TCP11L2: variants seen among roughly 807,000 people sequenced by gnomAD.
TCP11L2 encodes t-complex 11 like 2.
In TCP11L2, 39 loss-of-function variants were observed where a neutral mutation model predicts 50.7. That is an observed-to-expected ratio of 0.77 (90% CI 0.60 to 1.01). TCP11L2 has a LOEUF of 1.01. Among genes scored for constraint, TCP11L2 ranks in the 50% least tolerant of loss-of-function variants. TCP11L2 has a pLI of 0.00. For missense variants in TCP11L2, 612 were observed against 614.7 expected, an observed-to-expected ratio of 1.00 and a Z score of 0.05; for synonymous variants, 192 against 219.3, an observed-to-expected ratio of 0.88 and a Z score of 1.10.
intron 1 of TCP11L2, among the ~76,000 whole-genome samples, chr12:106,306,332 C>T (rs933755154): frequency 2.6e-5 from 4 of 152,222 alleles, no homozygotes; most frequent in Non-Finnish European, 4.4e-5. Context: ...CACCTATTAA[C>T]ATTTTGCTCT....
intron 6 of TCP11L2, chr12:106,329,798 T>C: frequency 1.0e-6 from 1 of 989,692 alleles, no homozygotes; most frequent in South Asian, 4.7e-5. Flanking sequence ...TCGCGCTCTC[T>C]CAGTTGGATG....
At chr12:106,313,578 CAAAAAAAT>C (rs780595847) in intron 2 of TCP11L2, among the ~76,000 whole-genome samples, 1 of 65,366 alleles carries the variant, frequency 1.5e-5, no homozygotes, top group Non-Finnish European at 3.3e-5. Flanking sequence ...GACTCCATCT[CAAAAAAAT>C]AAATAAATAA....
intron 6 of TCP11L2, among the ~76,000 whole-genome samples, chr12:106,328,260 T>C (rs1447741842): frequency 6.6e-6 from 1 of 152,188 alleles, no homozygotes; most frequent in East Asian, 1.9e-4. Context: ...AAGTAAACAG[T>C]GGAGGCTGGG....
intron 9 of TCP11L2, among the ~76,000 whole-genome samples, chr12:106,343,535 C>G (rs945942819): frequency 2.0e-5 from 3 of 152,010 alleles, no homozygotes; most frequent in Non-Finnish European, 4.4e-5. Context: ...GATCATAATC[C>G]CCAATTCCCA....
At chr12:106,316,073 C>T (rs2035067597) in intron 3 of TCP11L2, among the ~76,000 whole-genome samples, 1 of 149,956 alleles carries the variant, frequency 6.7e-6, no homozygotes, top group African/African-American at 2.5e-5. Flanking sequence ...TTAAGCTTGC[C>T]ATGTATCGTG....
chr12:106,319,228 C>T (rs752444126), intron 4 of TCP11L2, among the ~76,000 whole-genome samples: 12 of 152,276 alleles, frequency 7.9e-5, no homozygotes, highest in Admixed American at 2.0e-4. Context: ...TCTTTTATAA[C>T]AGTACAGTTC....
intron 2 of TCP11L2, among the ~76,000 whole-genome samples, chr12:106,312,092 A>G (rs546883424): frequency 2.1e-4 from 32 of 152,120 alleles, no homozygotes; most frequent in Non-Finnish European, 4.0e-4. Context: ...TCACATAGAC[A>G]TATGTGTGTA....
At chr12:106,319,262 T>C (rs1330573719) in intron 4 of TCP11L2, among the ~76,000 whole-genome samples, 1 of 152,220 alleles carries the variant, frequency 6.6e-6, no homozygotes, top group African/African-American at 2.4e-5. Flanking sequence ...CTCACCCTTA[T>C]GACTTAATCA....
intron 5 of TCP11L2, 32 bp downstream of exon 5, chr12:106,321,738 G>T (rs1171171568): frequency 6.3e-7 from 1 of 1,582,092 alleles, no homozygotes. Context: ...ATTTCCTAGA[G>T]TATCTTTGAG....
intron 1 of TCP11L2, among the ~76,000 whole-genome samples, chr12:106,309,136 A>G (rs1453315657): frequency 1.3e-5 from 2 of 152,260 alleles, no homozygotes; most frequent in African/African-American, 2.4e-5. Context: ...GAGAGGAAGC[A>G]AACTAGAGGG....
intron 4 of TCP11L2, among the ~76,000 whole-genome samples, chr12:106,318,676 A>T (rs1368766768): frequency 6.6e-6 from 1 of 152,206 alleles, no homozygotes; most frequent in Non-Finnish European, 1.5e-5. Context: ...CTGTGTCTTC[A>T]CGTGGCAGAA....
chr12:106,336,292 A>T, intron 8 of TCP11L2, 79 bp downstream of exon 8: 1 of 1,331,052 alleles, frequency 7.5e-7, no homozygotes, highest in Non-Finnish European at 1.0e-6. Flanking sequence ...ATGACCTTGG[A>T]CATCTGGATG....
chr12:106,340,769 A>G (rs2036069674), intron 8 of TCP11L2, 57 bp from the exon 9 acceptor site: 1 of 1,454,944 alleles, frequency 6.9e-7, no homozygotes, highest in Admixed American at 2.3e-5. Flanking sequence ...TATATTAAAA[A>G]TAATAACTTG....
At chr12:106,329,296 G>A (rs1006806205) in intron 6 of TCP11L2, 12 of 1,535,996 alleles carry the variant, frequency 7.8e-6, no homozygotes, top group African/African-American at 2.7e-5. Context: ...TCAAATAAAC[G>A]AATGAGTGGA....
At chr12:106,317,273 T>G (rs1460976543) in intron 3 of TCP11L2, among the ~76,000 whole-genome samples, 1 of 152,198 alleles carries the variant, frequency 6.6e-6, no homozygotes, top group African/African-American at 2.4e-5. Context: ...CCCAGCACTT[T>G]GGGAGGCTGA....
intron 4 of TCP11L2, among the ~76,000 whole-genome samples, chr12:106,319,058 C>T (rs1185237531): frequency 6.6e-5 from 10 of 152,176 alleles, no homozygotes; most frequent in East Asian, 1.9e-4. Flanking sequence ...ACTACAGGCG[C>T]CCGCCACCGC....
chr12:106,309,163 T>C (rs1174922655), intron 1 of TCP11L2, among the ~76,000 whole-genome samples: 1 of 152,144 alleles, frequency 6.6e-6, no homozygotes, highest in Non-Finnish European at 1.5e-5. Context: ...GAACATTCCA[T>C]TTAGGATTTG....
At position 106,329,620 on chromosome 12, in the gene TCP11L2, C is replaced by A. The variant is rs1315644302; in HGVS notation, c.772+5974C>A. On this transcript the variant is annotated intron_variant, in intron 6 of 9. Coordinates refer to ENST00000299045, the MANE Select transcript of TCP11L2 (RefSeq NM_152772.3). ...AACTCTTTTTTTCCTTTTTAAAGCT[C>A]CCCAGGTGATTCTAAAGTCAGCCAG... 12 of 1,320,116 alleles carry A rather than the reference C, an allele frequency of 9.1e-6. No homozygotes were observed. In the African/African-American group the frequency reaches 1.8e-4, roughly 20 times the overall value. The allele number at this position is 1,320,116 out of a possible 1,614,324, so 81.8% of individuals were successfully genotyped here.
intron 8 of TCP11L2, among the ~76,000 whole-genome samples, chr12:106,339,188 G>C (rs764294131): frequency 5.9e-5 from 9 of 152,176 alleles, no homozygotes; most frequent in Non-Finnish European, 1.3e-4. Context: ...ACTGGTATGA[G>C]ATGGTATCTC....
Sources: gnomAD v4.1 joint callset for allele counts (sites outside exome capture counted in the v4.1 genomes callset) on GRCh38, gnomAD v4.1.1 for gene constraint, MANE v1.5 for transcripts, NCBI Gene and HGNC (gene_info 2026-07-23, HGNC 2026-07-21) for gene names.